NRG3: variants seen among roughly 807,000 people sequenced by gnomAD.
NRG3 encodes the protein pro-neuregulin-3, membrane-bound isoform.
In NRG3, 31 loss-of-function variants were observed where a neutral mutation model predicts 66.9. That is an observed-to-expected ratio of 0.46 (90% CI 0.35 to 0.63). The LOEUF (loss-of-function observed/expected upper bound fraction) is 0.63, where lower values mean the gene tolerates loss of function less well. Ranked by LOEUF, NRG3 falls within the 20% of genes least tolerant of loss-of-function variation. The probability of loss-of-function intolerance (pLI) is 0.00; values close to 1 mark genes in which losing one functional copy is unlikely to be tolerated. For missense variants in NRG3, 910 were observed against 878.9 expected, an observed-to-expected ratio of 1.04 and a Z score of -0.45; for synonymous variants, 393 against 359.4, an observed-to-expected ratio of 1.09 and a Z score of -1.06.
chr10:82,553,198 G>A (rs147163485), intron 2 of NRG3, among the ~76,000 whole-genome samples: 2 of 152,118 alleles, frequency 1.3e-5, no homozygotes, highest in East Asian at 1.9e-4. Context: ...TGTCCACAGC[G>A]GTCATAATAT....
chr10:82,541,422 C>T (rs776428919), intron 2 of NRG3, among the ~76,000 whole-genome samples: 5 of 151,988 alleles, frequency 3.3e-5, no homozygotes, highest in East Asian at 1.9e-4. Flanking sequence ...CTGAGCTCCC[C>T]GAGTGAGCAA....
chr10:82,905,327 C>G (rs528456437), intron 4 of NRG3, among the ~76,000 whole-genome samples: 2 of 152,252 alleles, frequency 1.3e-5, no homozygotes, highest in Non-Finnish European at 2.9e-5. Context: ...ATTCCATTTC[C>G]TAGGCATTTT....
chr10:82,863,483 A>T (rs1246674732), intron 3 of NRG3, among the ~76,000 whole-genome samples: 2 of 152,210 alleles, frequency 1.3e-5, no homozygotes, highest in East Asian at 3.9e-4. Flanking sequence ...ACAACAATGT[A>T]AAAGTGTTCC....
intron 2 of NRG3, among the ~76,000 whole-genome samples, chr10:82,522,983 G>T (rs376291546): frequency 1.3e-5 from 2 of 152,062 alleles, no homozygotes; most frequent in African/African-American, 4.8e-5. Context: ...CTATAAATGT[G>T]CATATTTTGG....
chr10:82,808,417 A>C (rs1335444863), intron 3 of NRG3, among the ~76,000 whole-genome samples: 1 of 152,184 alleles, frequency 6.6e-6, no homozygotes, highest in Admixed American at 6.5e-5. Context: ...ATTTCATTTT[A>C]CTATTACAAA....
At chr10:82,262,032 A>G (rs1034784513) in intron 1 of NRG3, among the ~76,000 whole-genome samples, 2 of 152,066 alleles carry the variant, frequency 1.3e-5, no homozygotes, top group Admixed American at 1.3e-4. Context: ...GCCTTCCACC[A>G]TAATTGGAAG....
Position 82,905,400 on chromosome 10 carries a change from T to A in NRG3, c.1054+39963T>A, listed in dbSNP as rs901621726. Among the ~76,000 whole-genome samples, 4 of 152,166 alleles carry A rather than the reference T, an allele frequency of 2.6e-5. No individual in the cohort carries two copies. The South Asian group carries it at 8.3e-4, about 31-fold the overall frequency. On this transcript the variant is annotated intron_variant, in intron 4 of 8. Coordinates refer to ENST00000372141, the MANE Select transcript of NRG3 (RefSeq NM_001010848.4). ...TTGACAGTGATTATTGAAAGCTTTT[T>A]CTTCATTCCACCAGGTTACCTGTTC... is the stretch of plus-strand genomic sequence containing the variant.
intron 1 of NRG3, among the ~76,000 whole-genome samples, chr10:82,290,080 C>A (rs2079638886): frequency 1.3e-5 from 2 of 152,208 alleles, no homozygotes; most frequent in African/African-American, 4.8e-5. Context: ...ACAAACTCCC[C>A]CTTCCTCACT....
intron 3 of NRG3, among the ~76,000 whole-genome samples, chr10:82,739,561 C>T (rs1051980126): frequency 1.3e-5 from 2 of 152,280 alleles, no homozygotes; most frequent in South Asian, 2.1e-4. Context: ...GCATAATGAA[C>T]GTGTCTAGGC....
At chr10:82,138,157 T>C (rs1392759502) in intron 1 of NRG3, among the ~76,000 whole-genome samples, 1 of 152,162 alleles carries the variant, frequency 6.6e-6, no homozygotes, top group East Asian at 1.9e-4. Flanking sequence ...CTGTGTTTAG[T>C]TGAAAAAAAT....
rs766420708 is a variant in NRG3, at chr10:82,358,688, G to C, written c.824-51G>C. ...TCCAGAGCCAGTGACAGGAGTTGTT[G>C]GTGTCAGAATGTACTGCTGACAGCG... On this transcript the variant is annotated intron_variant, in intron 1 of 8. Transcript: ENST00000372141. 1.9e-6 allele frequency: 3 copies of C among 1,609,722 alleles called. No homozygotes were observed. In the Admixed American group the frequency reaches 5.0e-5, roughly 27 times the overall value.
intron 2 of NRG3, among the ~76,000 whole-genome samples, chr10:82,569,139 A>C (rs757157275): frequency 4.0e-5 from 6 of 151,770 alleles, no homozygotes; most frequent in Non-Finnish European, 8.8e-5. Context: ...CTGAAAACTT[A>C]TGAAGAGTCC....
intron 1 of NRG3, among the ~76,000 whole-genome samples, chr10:82,041,606 G>C: frequency 6.6e-6 from 1 of 152,014 alleles, no homozygotes. Context: ...ATCAGAGGTT[G>C]TTTTTGCTTT....
chr10:82,270,184 A>G (rs536138388), intron 1 of NRG3, among the ~76,000 whole-genome samples: 2 of 152,246 alleles, frequency 1.3e-5, no homozygotes, highest in Admixed American at 1.3e-4. Flanking sequence ...TGCACTCTGG[A>G]ATACATCCAT....
chr10:82,276,737 G>A (rs1324977939), intron 1 of NRG3, among the ~76,000 whole-genome samples: 1 of 151,900 alleles, frequency 6.6e-6, no homozygotes, highest in Admixed American at 6.6e-5. Context: ...TTCTTATGTG[G>A]TCTTATGTGG....
At chr10:82,590,338 A>G (rs2046910544) in intron 2 of NRG3, among the ~76,000 whole-genome samples, 1 of 152,190 alleles carries the variant, frequency 6.6e-6, no homozygotes, top group South Asian at 2.1e-4. Flanking sequence ...CCCCTAGGGT[A>G]ATTTATTATG....
chr10:82,881,938 G>T (rs1379820639), intron 4 of NRG3, among the ~76,000 whole-genome samples: 1 of 152,172 alleles, frequency 6.6e-6, no homozygotes, highest in African/African-American at 2.4e-5. Context: ...TGCTTTAGGA[G>T]TCTTCCTCGT....
chr10:82,597,556 TC>T (rs1026041284), intron 2 of NRG3, among the ~76,000 whole-genome samples: 3 of 152,212 alleles, frequency 2.0e-5, no homozygotes, highest in Admixed American at 2.0e-4. Context: ...CCTAACTTTG[TC>T]ACCAATTTCA....
chr10:82,902,541 A>C (rs925953466), intron 4 of NRG3, among the ~76,000 whole-genome samples: 2 of 152,144 alleles, frequency 1.3e-5, no homozygotes, highest in African/African-American at 4.8e-5. Context: ...TTGAAAGGTC[A>C]GTAATTAAAA....
Sources: gnomAD v4.1 joint callset for allele counts (sites outside exome capture counted in the v4.1 genomes callset) on GRCh38, gnomAD v4.1.1 for gene constraint, MANE v1.5 for transcripts, NCBI Gene and HGNC (gene_info 2026-07-23, HGNC 2026-07-21) for gene names.